Variants in ITGB6 observed in about 807,000 individuals in gnomAD.
ITGB6 encodes the protein integrin beta-6.
ITGB6 carries 80 observed loss-of-function variants against 84.5 expected under a neutral mutation model. The observed-to-expected ratio is 0.95, with a 90% confidence interval of 0.79 to 1.14. The LOEUF (loss-of-function observed/expected upper bound fraction) is 1.14, where lower values mean the gene tolerates loss of function less well. ITGB6 is among the 50% of genes most tolerant of loss of function. The pLI is 0.00. For missense variants in ITGB6, 1,006 were observed against 968.0 expected, an observed-to-expected ratio of 1.04 and a Z score of -0.52; for synonymous variants, 383 against 354.9, an observed-to-expected ratio of 1.08 and a Z score of -0.89.
intron 6 of ITGB6, among the ~76,000 whole-genome samples, chr2:160,171,481 C>T (rs968973133): frequency 6.6e-6 from 1 of 152,026 alleles, no homozygotes; most frequent in East Asian, 1.9e-4. Context: ...ACTACAGGCG[C>T]CCACCACCAC....
At chr2:160,188,169 C>G (rs557856095) in intron 4 of ITGB6, among the ~76,000 whole-genome samples, 18 of 152,250 alleles carry the variant, frequency 1.2e-4, no homozygotes, top group African/African-American at 4.3e-4. Flanking sequence ...CCTTTTACCT[C>G]TAATTGCCTT....
At chr2:160,179,279 A>G (rs1004555476) in intron 4 of ITGB6, among the ~76,000 whole-genome samples, 5 of 151,948 alleles carry the variant, frequency 3.3e-5, no homozygotes, top group African/African-American at 7.2e-5. Context: ...GTATTTTCAC[A>G]TGGACTTATT....
rs114417237 is a variant in ITGB6 at position 160,141,250 on chromosome 2, T to A, written c.1107+732A>T. 8.2e-3 allele frequency among the ~76,000 whole-genome samples: 1,243 copies of A among 151,370 alleles called. 17 individuals carry two copies. The highest frequency in any genetic ancestry group is 0.028 in the African/African-American group (1,143 of 41,056). Reference sequence around the variant, plus strand: ...CTCTCTCTGTGTGTGTATTTCTTTGTAAGTAAAGGCAAAAAAAAAGGGGGG... The same window carrying A: ...CTCTCTCTGTGTGTGTATTTCTTTGAAAGTAAAGGCAAAAAAAAAGGGGGG... On this transcript the variant is annotated intron_variant, in intron 8 of 14. Coordinates refer to ENST00000283249, the MANE Select transcript of ITGB6 (RefSeq NM_000888.5).
intron 7 of ITGB6, among the ~76,000 whole-genome samples, chr2:160,155,334 A>G (rs1242352801): frequency 6.6e-6 from 1 of 152,250 alleles, no homozygotes; most frequent in Non-Finnish European, 1.5e-5. Flanking sequence ...GGCAGAACAC[A>G]GAGAAGTTTT....
intron 11 of ITGB6, among the ~76,000 whole-genome samples, chr2:160,125,823 C>T (rs1284871365): frequency 6.7e-6 from 1 of 148,210 alleles, no homozygotes; most frequent in East Asian, 2.0e-4. Flanking sequence ...ACACAATACA[C>T]AATAGCTGTG....
intron 11 of ITGB6, among the ~76,000 whole-genome samples, chr2:160,124,847 A>C (rs557206906): frequency 1.6e-4 from 24 of 152,380 alleles, no homozygotes; most frequent in African/African-American, 5.8e-4. Context: ...TTCCACAGGA[A>C]GGGCAACCTA....
At chr2:160,108,378 A>G (rs1696995743) in intron 13 of ITGB6, among the ~76,000 whole-genome samples, 1 of 152,174 alleles carries the variant, frequency 6.6e-6, no homozygotes, top group Non-Finnish European at 1.5e-5. Flanking sequence ...CTTTATAGAC[A>G]GAAGACAATG....
chr2:160,155,402 T>A (rs1001528024), intron 7 of ITGB6, among the ~76,000 whole-genome samples: 1 of 152,162 alleles, frequency 6.6e-6, no homozygotes, highest in Admixed American at 6.5e-5. Context: ...TAATTGTACA[T>A]AACTCATAAA....
At chr2:160,142,169 T>C in intron 7 of ITGB6, 98 bp from the exon 8 acceptor site, 3 of 689,862 alleles carry the variant, frequency 4.3e-6, no homozygotes, top group Non-Finnish European at 7.4e-6. Context: ...TCTATTTAAC[T>C]GGCCAGGGAA....
At chr2:160,187,352 A>G (rs771603357) in intron 4 of ITGB6, among the ~76,000 whole-genome samples, 4 of 152,216 alleles carry the variant, frequency 2.6e-5, no homozygotes, top group African/African-American at 9.6e-5. Context: ...TCATTTTAAC[A>G]ACATGAAACA....
chr2:160,160,906 C>T (rs535659629), intron 7 of ITGB6, among the ~76,000 whole-genome samples: 2 of 152,140 alleles, frequency 1.3e-5, no homozygotes, highest in East Asian at 1.9e-4. Context: ...CCAGAGAAAG[C>T]GGAGAAGGGT....
At chr2:160,121,613 A>T (rs1683042948) in intron 12 of ITGB6, among the ~76,000 whole-genome samples, 1 of 152,042 alleles carries the variant, frequency 6.6e-6, no homozygotes, top group Non-Finnish European at 1.5e-5. Flanking sequence ...GCAAAACCCC[A>T]TTTCTACAAA....
chr2:160,112,302 A>T, intron 12 of ITGB6, 103 bp from the exon 13 acceptor site: 1 of 1,094,732 alleles, frequency 9.1e-7, no homozygotes, highest in Non-Finnish European at 1.3e-6. Flanking sequence ...AGAGTTTTCA[A>T]TATTGCAGAA....
At chr2:160,180,633 AT>A (rs912823234) in intron 4 of ITGB6, among the ~76,000 whole-genome samples, 6 of 152,164 alleles carry the variant, frequency 3.9e-5, no homozygotes, top group Non-Finnish European at 8.8e-5. Flanking sequence ...CAGAGATGTC[AT>A]TTGCCTTCTT....
intron 7 of ITGB6, among the ~76,000 whole-genome samples, chr2:160,162,925 T>C (rs1477942068): frequency 6.6e-6 from 1 of 152,056 alleles, no homozygotes; most frequent in Non-Finnish European, 1.5e-5. Flanking sequence ...GGCCGAGTGT[T>C]TATTATATTA....
At chr2:160,102,790 A>G (rs886475612) in intron 14 of ITGB6, among the ~76,000 whole-genome samples, 3 of 127,364 alleles carry the variant, frequency 2.4e-5, no homozygotes, top group African/African-American at 7.4e-5. Flanking sequence ...CACACAGGCT[A>G]TGGCAACAGT....
intron 14 of ITGB6, among the ~76,000 whole-genome samples, chr2:160,105,415 A>G (rs60902119): frequency 0.047 from 7,147 of 152,264 alleles, 491 homozygotes; most frequent in African/African-American, 0.16. Context: ...ACTTGTCAGT[A>G]TTTATGCCTC....
chr2:160,132,687 T>A (rs1683519209), intron 10 of ITGB6, among the ~76,000 whole-genome samples: 1 of 152,140 alleles, frequency 6.6e-6, no homozygotes, highest in African/African-American at 2.4e-5. Context: ...TATGAACATA[T>A]TTATAATTCT....
intron 4 of ITGB6, among the ~76,000 whole-genome samples, chr2:160,189,854 G>C (rs549897921): frequency 6.6e-6 from 1 of 152,094 alleles, no homozygotes; most frequent in Non-Finnish European, 1.5e-5. Flanking sequence ...CCATTACTGG[G>C]TATATACCCA....
Sources: allele counts gnomAD v4.1 joint callset (sites outside exome capture counted in the v4.1 genomes callset), GRCh38; gene constraint gnomAD v4.1.1; transcripts MANE v1.5; gene names NCBI Gene and HGNC (gene_info 2026-07-23, HGNC 2026-07-21).